Variants in PCDH15 observed in about 807,000 individuals in gnomAD.
PCDH15 encodes the protein protocadherin related 15, also known as protocadherin-15.
In PCDH15, 129 loss-of-function variants were observed where a neutral mutation model predicts 178.5. That is an observed-to-expected ratio of 0.72 (90% confidence interval 0.63 to 0.84). The LOEUF is 0.84. PCDH15 is among the 40% of genes least tolerant of loss of function. PCDH15 has a pLI of 0.00. For synonymous variants in PCDH15, 800 were observed against 732.0 expected (o/e 1.09, Z -1.50); for missense variants, 2,230 against 2,099.9 (o/e 1.06, Z -1.21).
At chr10:53,821,961 T>A in intron 32 of PCDH15, 1 of 1,613,902 alleles carries the variant, frequency 6.2e-7, no homozygotes, top group Non-Finnish European at 8.5e-7. Context: ...ATTTGTTACT[T>A]CTGAAGGGCA....
At chr10:55,216,443 A>G (rs996045714) in intron 1 of PCDH15, among the ~76,000 whole-genome samples, 1 of 151,944 alleles carries the variant, frequency 6.6e-6, no homozygotes, top group Admixed American at 6.6e-5. Context: ...GTAAAGTGCC[A>G]AAAAGAAGTG....
chr10:53,811,327 T>C (rs1287079897), intron 36 of PCDH15, among the ~76,000 whole-genome samples: 1 of 152,166 alleles, frequency 6.6e-6, no homozygotes, highest in African/African-American at 2.4e-5. Context: ...TTTCTAGAAT[T>C]GCAATCGATA....
chr10:55,506,870 G>C (rs1840770453), intron 2 of PCDH15, among the ~76,000 whole-genome samples: 1 of 151,224 alleles, frequency 6.6e-6, no homozygotes, highest in South Asian at 2.1e-4. Context: ...ATAGTAACAA[G>C]CAAAATTTTG....
At chr10:54,394,764 CCCTGCAG>C (rs1236055032) in intron 3 of PCDH15, among the ~76,000 whole-genome samples, 2 of 152,124 alleles carry the variant, frequency 1.3e-5, no homozygotes, top group Non-Finnish European at 2.9e-5. Context: ...TCTATTTCAT[CCCTGCAG>C]CCTCAACCCT....
chr10:55,426,543 A>G (rs766898805), intron 2 of PCDH15, among the ~76,000 whole-genome samples: 44 of 152,154 alleles, frequency 2.9e-4, no homozygotes, highest in Non-Finnish European at 5.3e-4. Context: ...GGAGTGTTAC[A>G]GTGCTCTTTA....
At chr10:55,367,896 A>G (rs561011707) in intron 2 of PCDH15, among the ~76,000 whole-genome samples, 1 of 152,224 alleles carries the variant, frequency 6.6e-6, no homozygotes, top group South Asian at 2.1e-4. Flanking sequence ...TTAATTTTTT[A>G]ACACTGTTTA....
chr10:54,543,474 C>T lies in PCDH15; in HGVS notation c.92-15597G>A, dbSNP rs534104291. On this transcript the variant is annotated intron_variant, in intron 2 of 37. Transcript: ENST00000644397. ...GCAGCGGGGCACTGAAGAAGCGATC[C>T]ACACCCCCAACGCATGCCCTGCGAG... Among the ~76,000 whole-genome samples the T allele has an allele frequency of 2.0e-5, 3 of 151,784 alleles. No individual in the cohort carries two copies. In the South Asian group the frequency reaches 6.2e-4, roughly 32 times the overall value.
chr10:55,515,760 C>G (rs376486576), intron 2 of PCDH15, among the ~76,000 whole-genome samples: 1 of 152,028 alleles, frequency 6.6e-6, no homozygotes, highest in Non-Finnish European at 1.5e-5. Context: ...AAATTGGACA[C>G]GTGCATATCC....
At chr10:55,554,615 T>C (rs760605465) in intron 2 of PCDH15, among the ~76,000 whole-genome samples, 1 of 151,894 alleles carries the variant, frequency 6.6e-6, no homozygotes, top group African/African-American at 2.4e-5. Flanking sequence ...CCCACACATA[T>C]GGGGGGCCAA....
At chr10:55,137,911 G>A (rs4935576) in intron 2 of PCDH15, among the ~76,000 whole-genome samples, 41,842 of 151,906 alleles carry the variant, frequency 0.28, 6,003 homozygotes, top group African/African-American at 0.35. Context: ...GGGTAGTAAC[G>A]ATTGGTTAAA....
chr10:54,330,811 T>C (rs999860785), intron 6 of PCDH15, among the ~76,000 whole-genome samples: 1 of 151,978 alleles, frequency 6.6e-6, no homozygotes, highest in Non-Finnish European at 1.5e-5. Flanking sequence ...AGTGCCATTT[T>C]AAAGAATGAT....
chr10:55,576,731 T>TAAA lies in PCDH15; in HGVS notation c.-156+50891_-156+50893dup, dbSNP rs57969658. ...TACCAAAACCAAAATAACAGATATC[T>TAAA]AAAAAAAAAATGCCTAAAATGAAAA... On this transcript the variant is annotated intron_variant, in intron 2 of 5. Coordinates refer to the PCDH15 transcript ENST00000613346. 2.0e-3 allele frequency among the ~76,000 whole-genome samples: 293 copies of TAAA among 149,482 alleles called. 1 individual carries two copies. Among genetic ancestry groups the TAAA allele is most frequent in the South Asian group, 0.017 (79 of 4,772 alleles).
At chr10:55,439,444 G>A (rs1839127301) in intron 2 of PCDH15, among the ~76,000 whole-genome samples, 2 of 152,046 alleles carry the variant, frequency 1.3e-5, no homozygotes, top group African/African-American at 4.8e-5. Flanking sequence ...GAACCTAATA[G>A]AGAATGACCT....
At chr10:53,966,611 A>G (rs2134369434) in intron 21 of PCDH15, among the ~76,000 whole-genome samples, 1 of 152,252 alleles carries the variant, frequency 6.6e-6, no homozygotes, top group South Asian at 2.1e-4. Flanking sequence ...TTATAAAAAT[A>G]GCTGTGGCTT....
chr10:54,401,295 A>T (rs1951901134), intron 3 of PCDH15, among the ~76,000 whole-genome samples: 1 of 151,852 alleles, frequency 6.6e-6, no homozygotes. Context: ...ACACAGAAAA[A>T]CTGTATATGA....
At chr10:55,490,000 G>A (rs1285894577) in intron 2 of PCDH15, among the ~76,000 whole-genome samples, 1 of 151,442 alleles carries the variant, frequency 6.6e-6, no homozygotes, top group Non-Finnish European at 1.5e-5. Context: ...TACCCATGAA[G>A]TTTTAACTGT....
chr10:54,857,513 CAT>C (rs1337254497), intron 3 of PCDH15, among the ~76,000 whole-genome samples: 1 of 152,112 alleles, frequency 6.6e-6, no homozygotes, highest in Non-Finnish European at 1.5e-5. Context: ...TGGTATGAAT[CAT>C]AGCTCACTGC....
chr10:54,937,938 C>A (rs1837947675), intron 2 of PCDH15, among the ~76,000 whole-genome samples: 1 of 151,990 alleles, frequency 6.6e-6, no homozygotes, highest in Non-Finnish European at 1.5e-5. Context: ...TAGGGGAAAA[C>A]ATTTAGTCTT....
chr10:55,568,299 G>C (rs898531833), intron 2 of PCDH15, among the ~76,000 whole-genome samples: 6 of 151,908 alleles, frequency 3.9e-5, no homozygotes, highest in African/African-American at 1.5e-4. Context: ...AGTAAAATAA[G>C]CCACTCACAG....
Sources: allele counts gnomAD v4.1 joint callset (sites outside exome capture counted in the v4.1 genomes callset), GRCh38; gene constraint gnomAD v4.1.1; transcripts MANE v1.5; gene names NCBI Gene and HGNC (gene_info 2026-07-23, HGNC 2026-07-21).